ADCY8: variants seen among roughly 807,000 people sequenced by gnomAD.
ADCY8 encodes adenylate cyclase type 8.
ADCY8 carries 51 observed loss-of-function variants against 119.7 expected under a neutral mutation model. That is an observed-to-expected ratio of 0.43 (90% CI 0.34 to 0.54). The LOEUF (loss-of-function observed/expected upper bound fraction) is 0.54, where lower values mean the gene tolerates loss of function less well. Ranked by LOEUF, ADCY8 falls within the 20% of genes least tolerant of loss-of-function variation. The pLI, the probability that ADCY8 is intolerant of heterozygous loss-of-function variation, is 0.03. For synonymous variants in ADCY8, 665 were observed against 651.0 expected (o/e 1.02, Z -0.33); for missense variants, 1,383 against 1,598.8 (o/e 0.87, Z 2.30).
At chr8:130,866,286 G>C (rs2130384704) in intron 9 of ADCY8, among the ~76,000 whole-genome samples, 1 of 151,912 alleles carries the variant, frequency 6.6e-6, no homozygotes, top group South Asian at 2.1e-4. Flanking sequence ...CTGCTAATTA[G>C]GGGGAAGGTC....
intron 2 of ADCY8, among the ~76,000 whole-genome samples, chr8:130,986,713 A>G (rs1822412591): frequency 6.6e-6 from 1 of 152,214 alleles, no homozygotes; most frequent in Non-Finnish European, 1.5e-5. Flanking sequence ...GGGGAAAGAG[A>G]CATGCAATGA....
In ADCY8 at chr8:130,814,100, C is replaced by A. The variant is rs760033327; in HGVS notation, c.2882G>T (p.Arg961Leu). 5 of 1,614,118 alleles carry A rather than the reference C, an allele frequency of 3.1e-6. No homozygotes were observed. Among genetic ancestry groups the A allele is most frequent in the South Asian group, 2.2e-5 (2 of 91,070 alleles). ...GTCTCGGTCCTTCTCTAGGAAATGGCGGGCCACATGGCTGGGTAAGATATT... is the reference window on the plus strand; with the variant it reads ...GTCTCGGTCCTTCTCTAGGAAATGGAGGGCCACATGGCTGGGTAAGATATT... ...LRNILPSHVA[R>L]HFLEKDRDNE... Residue 961 changes from arginine to leucine, a missense_variant, in exon 14 of 18, where the codon CGC becomes CTC. By Grantham distance (102) the Arg-to-Leu change is moderately radical (BLOSUM62 -2). Around this residue, in one of 2 missense-constraint regions of ADCY8, gnomAD observed 928 missense variants for 1,163.5 expected, o/e 0.80. Coordinates refer to ENST00000286355, the MANE Select transcript of ADCY8 (RefSeq NM_001115.3).
At position 130,780,753 on chromosome 8, in the gene ADCY8, T is replaced by G. The variant is rs764715112; in HGVS notation, c.3393A>C (p.Gln1131His). The G allele has an allele frequency of 6.2e-7, 1 of 1,614,236 alleles. No individual in the cohort carries two copies. The highest frequency in any genetic ancestry group is 8.5e-7 in the Non-Finnish European group (1 of 1,180,032). The change falls in exon 18 of 18, where the codon CAA becomes CAC. Residue 1131 changes from glutamine to histidine, a missense_variant. Gln to His is a conservative substitution (Grantham distance 24, BLOSUM62 0). This residue lies in a region of ADCY8 where 928 missense variants were observed against 1,163.5 expected (regional missense o/e 0.80). Coordinates refer to ENST00000286355, the MANE Select transcript of ADCY8 (RefSeq NM_001115.3). ...GGATGAGATAGGTCTCCTCTGGGAC[T>G]TGGATCCGGCCACTAACCCCCGTGC... ...MDSTGVSGRI[Q>H]VPEETYLILK...
At chr8:131,009,423 A>G (rs186294791) in intron 1 of ADCY8, among the ~76,000 whole-genome samples, 47 of 152,276 alleles carry the variant, frequency 3.1e-4, no homozygotes, top group Admixed American at 1.9e-3. Flanking sequence ...TATTCTCATG[A>G]TAGTGAGTGA....
intron 11 of ADCY8, among the ~76,000 whole-genome samples, chr8:130,837,717 A>C (rs1817032544): frequency 6.6e-6 from 1 of 152,222 alleles, no homozygotes; most frequent in Non-Finnish European, 1.5e-5. Flanking sequence ...GGAACAAAAA[A>C]CAAAAAGAAT....
At chr8:130,893,568 A>G (rs1819265552) in intron 7 of ADCY8, among the ~76,000 whole-genome samples, 1 of 152,152 alleles carries the variant, frequency 6.6e-6, no homozygotes, top group Non-Finnish European at 1.5e-5. Context: ...TGAATAAACA[A>G]ACATATATCC....
chr8:130,935,230 A>AATTACTC (rs1820748926), intron 5 of ADCY8, among the ~76,000 whole-genome samples: 2 of 152,130 alleles, frequency 1.3e-5, no homozygotes, highest in Non-Finnish European at 2.9e-5. Context: ...ATGCATGCAG[A>AATTACTC]ATTACTCTGG....
In ADCY8 at chr8:130,900,834, T is replaced by A. The variant is rs185277931; in HGVS notation, c.1911+2938A>T. On this transcript the variant is annotated intron_variant, in intron 7 of 17. Transcript: ENST00000286355. ...CGTGACTATGAATACCAAATTCACA[T>A]CCCTTGCACAGTTCTTTTATGCCTG... is the stretch of plus-strand genomic sequence containing the variant. Among the ~76,000 whole-genome samples the A allele has an allele frequency of 6.6e-5, 10 of 152,318 alleles. No homozygotes were observed. The East Asian group carries it at 1.9e-3, about 29-fold the overall frequency.
intron 5 of ADCY8, among the ~76,000 whole-genome samples, chr8:130,928,977 T>A (rs980959545): frequency 6.6e-6 from 1 of 152,170 alleles, no homozygotes; most frequent in Non-Finnish European, 1.5e-5. Flanking sequence ...TTGCTATTGG[T>A]CTATTAAGAT....
chr8:130,850,524 C>T (rs1443282027), intron 9 of ADCY8, among the ~76,000 whole-genome samples: 3 of 152,106 alleles, frequency 2.0e-5, no homozygotes, highest in South Asian at 4.1e-4. Context: ...CAATCTGCTT[C>T]TCCTTGGGAA....
chr8:130,801,574 C>CAA (rs1586426901), intron 14 of ADCY8, among the ~76,000 whole-genome samples: 1 of 152,196 alleles, frequency 6.6e-6, no homozygotes, highest in African/African-American at 2.4e-5. Context: ...AGAAAAAGAA[C>CAA]AAAGTGCCCT....
In ADCY8 at chr8:130,800,570, C is replaced by T. The variant is rs151018450; in HGVS notation, c.2916G>A (p.Glu972=). The change falls in exon 15 of 18, where the codon GAG becomes GAA. Residue 972 remains glutamate (E), a splice_region_variant and synonymous_variant. Coordinates refer to ENST00000286355, the MANE Select transcript of ADCY8 (RefSeq NM_001115.3). The part of the protein sequence containing the change: ...HFLEKDRDNE[E]LYSQSYDAVG... ...CAGCATCATAGGATTGAGAATACAG[C>T]TCCTGGACAGAGACACACAGAGGGC... 6.2e-7 allele frequency: 1 copy of T among 1,613,980 alleles called. No homozygotes were observed. Among genetic ancestry groups the T allele is most frequent in the Non-Finnish European group, 8.5e-7 (1 of 1,179,886 alleles).
At chr8:131,035,984 G>A (rs1461462996) in intron 1 of ADCY8, among the ~76,000 whole-genome samples, 4 of 152,062 alleles carry the variant, frequency 2.6e-5, no homozygotes, top group East Asian at 1.9e-4. Flanking sequence ...TGGCTTCTTC[G>A]TTAAATGTTT....
intron 1 of ADCY8, among the ~76,000 whole-genome samples, chr8:131,025,513 G>A (rs1010991395): frequency 6.6e-6 from 1 of 152,158 alleles, no homozygotes; most frequent in Non-Finnish European, 1.5e-5. Context: ...AGATTCCCGC[G>A]TGATGTGCCA....
At chr8:130,795,836 C>G (rs189042396) in intron 15 of ADCY8, among the ~76,000 whole-genome samples, 84 of 152,096 alleles carry the variant, frequency 5.5e-4, no homozygotes, top group African/African-American at 2.0e-3. Context: ...GCAGGGGCAG[C>G]CTTTGTTTAT....
At chr8:130,782,119 T>C (rs1489819533) in intron 17 of ADCY8, among the ~76,000 whole-genome samples, 2 of 152,082 alleles carry the variant, frequency 1.3e-5, no homozygotes, top group African/African-American at 4.8e-5. Flanking sequence ...AAAGACCTTG[T>C]TGAGCAGAGA....
At chr8:130,848,185 T>G (rs1354360640) in intron 10 of ADCY8, among the ~76,000 whole-genome samples, 1 of 152,148 alleles carries the variant, frequency 6.6e-6, no homozygotes. Context: ...GGATCTGAGA[T>G]TTGAACACAG....
At chr8:130,974,025 A>G (rs1821998876) in intron 2 of ADCY8, among the ~76,000 whole-genome samples, 1 of 152,092 alleles carries the variant, frequency 6.6e-6, no homozygotes, top group Admixed American at 6.5e-5. Flanking sequence ...ACAAGCCAAT[A>G]CTCTTTTGAA....
intron 12 of ADCY8, among the ~76,000 whole-genome samples, chr8:130,826,947 G>A (rs1423733129): frequency 6.6e-6 from 1 of 152,058 alleles, no homozygotes; most frequent in Non-Finnish European, 1.5e-5. Context: ...GATAGCATTA[G>A]GAGAAATACC....
Sources: allele counts gnomAD v4.1 joint callset (sites outside exome capture counted in the v4.1 genomes callset), GRCh38; gene constraint gnomAD v4.1.1; regional missense constraint gnomAD v4.1.1; transcripts MANE v1.5; gene names NCBI Gene and HGNC (gene_info 2026-07-23, HGNC 2026-07-21).